The following NPFFR2 variants were observed in gnomAD, a reference collection of about 807,000 sequenced individuals.
NPFFR2 encodes the protein G-protein coupled receptor 74.
NPFFR2 carries 15 observed loss-of-function variants against 13.1 expected under a neutral mutation model. The observed-to-expected ratio is 1.15, with a 90% CI of 0.77 to 1.76. The LOEUF is 1.76. NPFFR2 is among the 40% of genes most tolerant of loss of function. The pLI, the probability that NPFFR2 is intolerant of heterozygous loss-of-function variation, is 0.00. For synonymous variants in NPFFR2, 190 were observed against 175.7 expected (o/e 1.08, Z -0.65); for missense variants, 572 against 503.5 (o/e 1.14, Z -1.30).
chr4:72,044,173 G>T lies in NPFFR2; in HGVS notation c.-8+11973G>T, dbSNP rs1051916286. Among the ~76,000 whole-genome samples the T allele has an allele frequency of 2.0e-5, 3 of 152,010 alleles. No individual in the cohort carries two copies. The East Asian group carries it at 5.8e-4, about 29-fold the overall frequency. ...CCACCATGATTGTAAGTTTCCTGAGGCCTCCCCACTCATGCAGAATTGTGA... is the reference window on the plus strand; with the variant it reads ...CCACCATGATTGTAAGTTTCCTGAGTCCTCCCCACTCATGCAGAATTGTGA... On this transcript the variant is annotated intron_variant, in intron 1 of 3. Transcript: ENST00000308744.
At chr4:72,083,230 T>C (rs1720681053) in intron 1 of NPFFR2, among the ~76,000 whole-genome samples, 1 of 152,138 alleles carries the variant, frequency 6.6e-6, no homozygotes, top group Non-Finnish European at 1.5e-5. Context: ...CTGAATCATA[T>C]GGTCATTCTA....
intron 1 of NPFFR2, among the ~76,000 whole-genome samples, chr4:72,054,399 A>G (rs966968577): frequency 1.1e-4 from 17 of 151,980 alleles, no homozygotes; most frequent in Admixed American, 5.3e-4. Flanking sequence ...AATCTTTTCA[A>G]TAAATAGTAC....
chr4:72,055,731 A>G (rs903572594), intron 1 of NPFFR2, among the ~76,000 whole-genome samples: 5 of 152,114 alleles, frequency 3.3e-5, no homozygotes, highest in African/African-American at 1.2e-4. Flanking sequence ...GAGGAAATTT[A>G]AAGTGCTGCT....
intron 1 of NPFFR2, among the ~76,000 whole-genome samples, chr4:72,112,446 A>C (rs1230527851): frequency 1.3e-5 from 2 of 151,812 alleles, no homozygotes; most frequent in African/African-American, 2.4e-5. Flanking sequence ...AGATCTTTTT[A>C]TCATCATGCA....
intron 1 of NPFFR2, among the ~76,000 whole-genome samples, chr4:72,069,539 C>G (rs1489363445): frequency 6.6e-6 from 1 of 152,050 alleles, no homozygotes; most frequent in African/African-American, 2.4e-5. Context: ...GACAGGTATG[C>G]CTATGATCAC....
chr4:72,065,056 A>T (rs1278043295), intron 1 of NPFFR2, among the ~76,000 whole-genome samples: 1 of 152,102 alleles, frequency 6.6e-6, no homozygotes, highest in Non-Finnish European at 1.5e-5. Flanking sequence ...AGAGACAGAA[A>T]TCTGAAATAA....
At position 72,112,832 on chromosome 4, in the gene NPFFR2, A is replaced by G. The variant is rs986235519; in HGVS notation, c.-7-15753A>G. Reference sequence around the variant, plus strand: ...TCACAGGGGAGGGGATAGGGAATTTACCCCTCTCAGGAGAGGGTTGCTATG... The same window carrying G: ...TCACAGGGGAGGGGATAGGGAATTTGCCCCTCTCAGGAGAGGGTTGCTATG... On this transcript the variant is annotated intron_variant, in intron 1 of 3. Transcript: ENST00000308744. Among the ~76,000 whole-genome samples, 3 of 152,006 alleles carry G rather than the reference A, an allele frequency of 2.0e-5. No homozygotes were observed. The South Asian group carries it at 6.2e-4, about 32-fold the overall frequency.
chr4:72,142,972 T>C (rs1318553724), intron 3 of NPFFR2, among the ~76,000 whole-genome samples: 2 of 152,228 alleles, frequency 1.3e-5, no homozygotes, highest in African/African-American at 2.4e-5. Context: ...TTGACAGCTA[T>C]GCAAAAGAGA....
At chr4:72,131,486 A>G (rs1722241418) in intron 2 of NPFFR2, among the ~76,000 whole-genome samples, 1 of 150,296 alleles carries the variant, frequency 6.7e-6, no homozygotes, top group South Asian at 2.2e-4. Flanking sequence ...TAGGAGATAT[A>G]CCTAATGCTA....
intron 1 of NPFFR2, among the ~76,000 whole-genome samples, chr4:72,058,482 G>T (rs548431146): frequency 6.6e-6 from 1 of 152,036 alleles, no homozygotes; most frequent in East Asian, 1.9e-4. Context: ...GAACACTGAT[G>T]TGATATATGT....
Position 72,060,950 on chromosome 4 carries a change from T to C in NPFFR2, c.-8+28750T>C, listed in dbSNP as rs183354877. ...TTTCACTGCAAGCCATTTATGTACC[T>C]TATACAATATCAGTCAACAGTCTCT... On this transcript the variant is annotated intron_variant, in intron 1 of 3. Transcript: ENST00000308744. 2.6e-5 allele frequency among the ~76,000 whole-genome samples: 4 copies of C among 152,300 alleles called. No homozygotes were observed. In the East Asian group the frequency reaches 7.7e-4, roughly 29 times the overall value.
At chr4:72,142,469 A>G (rs1722661171) in intron 3 of NPFFR2, among the ~76,000 whole-genome samples, 1 of 152,122 alleles carries the variant, frequency 6.6e-6, no homozygotes, top group Non-Finnish European at 1.5e-5. Flanking sequence ...GAGATGAACC[A>G]GGTACCTCAG....
At chr4:72,065,948 C>G (rs1290478841) in intron 1 of NPFFR2, among the ~76,000 whole-genome samples, 1 of 152,226 alleles carries the variant, frequency 6.6e-6, no homozygotes, top group African/African-American at 2.4e-5. Flanking sequence ...CCTTACCCTA[C>G]TTGATATTTT....
At chr4:72,104,019 T>TAA (rs549031408) in intron 1 of NPFFR2, among the ~76,000 whole-genome samples, 16 of 152,186 alleles carry the variant, frequency 1.1e-4, no homozygotes, top group Non-Finnish European at 1.9e-4. Context: ...GTGGAATATT[T>TAA]AATGAGCAGT....
chr4:72,142,823 G>T (rs1722671959), intron 3 of NPFFR2, among the ~76,000 whole-genome samples: 1 of 152,192 alleles, frequency 6.6e-6, no homozygotes, highest in South Asian at 2.1e-4. Context: ...GAGCATTTAT[G>T]ATGTGCCAGA....
intron 1 of NPFFR2, among the ~76,000 whole-genome samples, chr4:72,108,483 T>C (rs1721477029): frequency 6.6e-6 from 1 of 152,032 alleles, no homozygotes; most frequent in East Asian, 1.9e-4. Context: ...ACTCAGTTAA[T>C]ATCTTCTTGC....
chr4:72,122,995 G>A (rs749941861), intron 1 of NPFFR2, among the ~76,000 whole-genome samples: 3 of 151,994 alleles, frequency 2.0e-5, no homozygotes, highest in Non-Finnish European at 4.4e-5. Context: ...AACAAAATAT[G>A]TAGACCACTA....
intron 1 of NPFFR2, among the ~76,000 whole-genome samples, chr4:72,099,260 G>A (rs890816364): frequency 8.5e-5 from 13 of 152,132 alleles, no homozygotes; most frequent in East Asian, 3.9e-4. Context: ...TTGTGTTAAT[G>A]TCTGTTGAGA....
At position 72,128,814 on chromosome 4, in the gene NPFFR2, C is replaced by T. The variant is rs1560420123; in HGVS notation, c.223C>T (p.His75Tyr). The change falls in exon 2 of 4, where the codon CAT becomes TAT. Residue 75 changes from histidine (H) to tyrosine (Y), a missense_variant. Transcript: ENST00000308744. The part of the protein sequence containing the change: ...VVCFIVMRNK[H>Y]MHTVTNLFIL... Reference sequence around the variant, plus strand: ...TTGCTTTATTGTAATGAGGAACAAACATATGCACACAGTCACTAATCTCTT... The same window carrying T: ...TTGCTTTATTGTAATGAGGAACAAATATATGCACACAGTCACTAATCTCTT... The T allele has an allele frequency of 1.9e-6, 3 of 1,614,016 alleles. No individual in the cohort carries two copies. Among genetic ancestry groups the T allele is most frequent in the South Asian group, 2.2e-5 (2 of 91,074 alleles).
Sources: gnomAD v4.1 joint callset for allele counts (sites outside exome capture counted in the v4.1 genomes callset) on GRCh38, gnomAD v4.1.1 for gene constraint, MANE v1.5 for transcripts, NCBI Gene and HGNC (gene_info 2026-07-23, HGNC 2026-07-21) for gene names.